PHKB: variants seen among roughly 807,000 people sequenced by gnomAD.
The protein encoded by PHKB is phosphorylase kinase regulatory subunit beta.
In PHKB, 122 loss-of-function variants were observed where a neutral mutation model predicts 152.1. That is an observed-to-expected ratio of 0.80 (90% CI 0.69 to 0.93). The LOEUF (loss-of-function observed/expected upper bound fraction) is 0.93. PHKB is among the 40% of genes least tolerant of loss of function. The probability of loss-of-function intolerance (pLI) is 0.00; values close to 1 mark genes in which losing one functional copy is unlikely to be tolerated. For synonymous variants in PHKB, 436 were observed against 464.9 expected (o/e 0.94, Z 0.80); for missense variants, 1,304 against 1,328.4 (o/e 0.98, Z 0.29).
chr16:47,695,952 A>G (rs1000087023), intron 28 of PHKB, among the ~76,000 whole-genome samples: 1 of 151,830 alleles, frequency 6.6e-6, no homozygotes, highest in African/African-American at 2.4e-5. Flanking sequence ...ATGCATTTTT[A>G]TGCTGCCAGC....
chr16:47,693,008 G>A (rs1385040020), intron 27 of PHKB, among the ~76,000 whole-genome samples: 1 of 152,174 alleles, frequency 6.6e-6, no homozygotes, highest in African/African-American at 2.4e-5. Context: ...CCTTCATGGA[G>A]CTTACATTTT....
At chr16:47,478,696 T>G (rs1481564495) in intron 1 of PHKB, among the ~76,000 whole-genome samples, 1 of 152,104 alleles carries the variant, frequency 6.6e-6, no homozygotes, top group Non-Finnish European at 1.5e-5. Flanking sequence ...ACTTTGCGTG[T>G]GGTAAATGCT....
intron 12 of PHKB, 138 bp from the exon 13 acceptor site, chr16:47,596,235 C>T (rs944371539): frequency 6.8e-5 from 44 of 645,774 alleles, no homozygotes; most frequent in Non-Finnish European, 1.1e-4. Flanking sequence ...GAGGCCTCCC[C>T]AGCCATGTGG....
At chr16:47,585,005 T>G (rs998105462) in intron 8 of PHKB, among the ~76,000 whole-genome samples, 6 of 152,178 alleles carry the variant, frequency 3.9e-5, no homozygotes, top group African/African-American at 1.4e-4. Flanking sequence ...GGTCATGGGA[T>G]TAAGGGAAGT....
At chr16:47,467,932 G>T (rs1339780773) in intron 1 of PHKB, among the ~76,000 whole-genome samples, 3 of 152,094 alleles carry the variant, frequency 2.0e-5, no homozygotes, top group African/African-American at 7.2e-5. Context: ...TGGGTATATG[G>T]TGGGCATTTC....
chr16:47,682,071 T>A lies in PHKB; in HGVS notation c.2631-6970T>A, dbSNP rs1025869709. ...AATTCTGGGTTGAAAATTCTTTCCTTTAAGAATGTTGAATATTGGCCCCCA... is the reference window on the plus strand; with the variant it reads ...AATTCTGGGTTGAAAATTCTTTCCTATAAGAATGTTGAATATTGGCCCCCA... On this transcript the variant is annotated intron_variant, in intron 26 of 30. Coordinates refer to ENST00000323584, the MANE Select transcript of PHKB (RefSeq NM_000293.3). Among the ~76,000 whole-genome samples the A allele has an allele frequency of 3.3e-5, 5 of 152,198 alleles. No individual in the cohort carries two copies. The East Asian group carries it at 9.6e-4, about 29-fold the overall frequency.
intron 7 of PHKB, chr16:47,566,219 A>G: frequency 1.3e-6 from 1 of 764,138 alleles, no homozygotes. Context: ...AATCATAACG[A>G]TCTCGATACT....
chr16:47,689,097 C>T lies in PHKB; in HGVS notation c.2687C>T (p.Ala896Val). ...CAGATCCGTGGCGGAGACAAGCCAG[C>T]CTTGGACTTGTATCAGCTGTCACCT... Reference protein sequence around the residue: ...ELQIRGGDKPALDLYQLSPSE... With the variant: ...ELQIRGGDKPVLDLYQLSPSE... Residue 896 changes from alanine to valine, a missense_variant, in exon 27 of 31, where the codon GCC becomes GTC. Transcript: ENST00000323584. 1.2e-6 allele frequency: 2 copies of T among 1,613,808 alleles called. No individual in the cohort carries two copies. The highest frequency in any genetic ancestry group is 2.2e-5 in the East Asian group (1 of 44,884).
chr16:47,518,947 A>C (rs1364211559), intron 6 of PHKB, among the ~76,000 whole-genome samples: 1 of 152,244 alleles, frequency 6.6e-6, no homozygotes, highest in African/African-American at 2.4e-5. Flanking sequence ...GAAAGAAATC[A>C]TTTAGAAGTG....
At chr16:47,623,097 T>C (rs1163097748) in intron 14 of PHKB, among the ~76,000 whole-genome samples, 1 of 152,192 alleles carries the variant, frequency 6.6e-6, no homozygotes, top group Non-Finnish European at 1.5e-5. Flanking sequence ...AATTAATCTC[T>C]CTAAGCCCCA....
chr16:47,572,864 C>T (rs939513091), intron 7 of PHKB, among the ~76,000 whole-genome samples: 11 of 152,092 alleles, frequency 7.2e-5, no homozygotes, highest in African/African-American at 2.4e-4. Context: ...TCCTGAGCAC[C>T]GTGTTATGAT....
intron 4 of PHKB, among the ~76,000 whole-genome samples, chr16:47,507,691 G>T (rs895500706): frequency 2.0e-5 from 3 of 152,028 alleles, no homozygotes; most frequent in African/African-American, 7.3e-5. Flanking sequence ...TAAATTACAA[G>T]GGATTATTAT....
chr16:47,607,920 A>G (rs148209011), intron 13 of PHKB, among the ~76,000 whole-genome samples: 2 of 152,196 alleles, frequency 1.3e-5, no homozygotes, highest in African/African-American at 4.8e-5. Flanking sequence ...TTTGATTAGC[A>G]TTTCCCAAAT....
chr16:47,630,172 A>G (rs1024458436), intron 14 of PHKB, among the ~76,000 whole-genome samples: 1 of 152,112 alleles, frequency 6.6e-6, no homozygotes, highest in African/African-American at 2.4e-5. Flanking sequence ...CTTAAAGTAT[A>G]TAAAAAAAAA....
intron 18 of PHKB, among the ~76,000 whole-genome samples, chr16:47,649,581 A>C (rs557716831): frequency 6.6e-6 from 1 of 152,216 alleles, no homozygotes; most frequent in South Asian, 2.1e-4. Flanking sequence ...CAACTAACTC[A>C]TAACTCCATG....
intron 6 of PHKB, among the ~76,000 whole-genome samples, chr16:47,544,595 C>T (rs1971124802): frequency 6.6e-6 from 1 of 152,206 alleles, no homozygotes. Flanking sequence ...CTGTAGATGT[C>T]TATTACATGC....
intron 20 of PHKB, among the ~76,000 whole-genome samples, chr16:47,658,076 C>T (rs1015589800): frequency 6.6e-6 from 1 of 152,152 alleles, no homozygotes; most frequent in Non-Finnish European, 1.5e-5. Context: ...AAGTGGAAAC[C>T]AGAGTTCTTC....
intron 1 of PHKB, among the ~76,000 whole-genome samples, chr16:47,465,718 C>T (rs911258735): frequency 2.6e-5 from 4 of 152,092 alleles, no homozygotes; most frequent in African/African-American, 4.8e-5. Flanking sequence ...TGTGGCCTGT[C>T]GTGTTTGCAT....
chr16:47,641,230 A>G (rs1597143775), intron 15 of PHKB, 140 bp downstream of exon 15: 1 of 732,232 alleles, frequency 1.4e-6, no homozygotes, highest in South Asian at 1.5e-5. Flanking sequence ...GGATATCATT[A>G]ATATCACTTT....
Sources: gnomAD v4.1 joint callset for allele counts (sites outside exome capture counted in the v4.1 genomes callset) on GRCh38, gnomAD v4.1.1 for gene constraint, MANE v1.5 for transcripts, NCBI Gene and HGNC (gene_info 2026-07-23, HGNC 2026-07-21) for gene names.